Variants in CNTN3 observed in about 807,000 individuals in gnomAD.
The protein encoded by CNTN3 is contactin 3.
CNTN3 carries 60 observed loss-of-function variants against 119.1 expected under a neutral mutation model. That is an observed-to-expected ratio of 0.50 (90% CI 0.41 to 0.62). CNTN3 has a LOEUF of 0.62. CNTN3 is among the 20% of genes least tolerant of loss of function. The pLI, the probability that CNTN3 is intolerant of heterozygous loss-of-function variation, is 0.00. For synonymous variants in CNTN3, 450 were observed against 438.7 expected (o/e 1.03, Z -0.32); for missense variants, 1,101 against 1,242.4 (o/e 0.89, Z 1.71).
chr3:74,398,350 C>G (rs1705107925), intron 5 of CNTN3, among the ~76,000 whole-genome samples: 1 of 152,218 alleles, frequency 6.6e-6, no homozygotes, highest in Non-Finnish European at 1.5e-5. Flanking sequence ...TGAAGCAAGA[C>G]CCTCTACTAG....
chr3:74,369,908 C>G lies in CNTN3; in HGVS notation c.742G>C (p.Glu248Gln). The stretch of plus-strand genomic sequence containing the variant: ...ACTTACTTTCCAAGGGCAAAACATT[C>G]CAATTTCACAGTCGAACCTTTAGCT... ...PAAKGSTVKL[E>Q]CFALGNPIPQ... The change falls in exon 7 of 23, where the codon GAA (glutamate) becomes CAA (glutamine). Residue 248 changes from glutamate to glutamine, a missense_variant. Physicochemically the swap from Glu to Gln is conservative, Grantham distance 29 (BLOSUM62 2). Transcript: ENST00000263665. 1.9e-6 allele frequency: 3 copies of G among 1,603,114 alleles called. No individual in the cohort carries two copies. Among genetic ancestry groups the G allele is most frequent in the South Asian group, 1.1e-5 (1 of 90,374 alleles).
At chr3:74,484,374 A>T (rs1702814860) in intron 4 of CNTN3, among the ~76,000 whole-genome samples, 1 of 152,176 alleles carries the variant, frequency 6.6e-6, no homozygotes, top group Admixed American at 6.5e-5. Flanking sequence ...AGAATACAAA[A>T]ATATGAATCA....
chr3:74,552,372 C>A (rs935130966), intron 1 of CNTN3, among the ~76,000 whole-genome samples: 2 of 152,110 alleles, frequency 1.3e-5, no homozygotes. Context: ...TAGGAGACTG[C>A]TAAATTGTCT....
At position 74,334,749 on chromosome 3, in the gene CNTN3, C is replaced by T. The variant is rs1703346317; in HGVS notation, c.1654G>A (p.Glu552Lys). The stretch of plus-strand genomic sequence containing the variant: ...CCACAACTTACCCCACCAACTTTCT[C>T]AAAGTGAGATCCATCTTTCTTAAAA... ...ADFKKDGSHF[E>K]KVGGSSSGDL... Residue 552 changes from glutamate to lysine, a missense_variant, in exon 13 of 23, where the codon GAG becomes AAG. Physicochemically the swap from Glu to Lys is moderately conservative, Grantham distance 56. Transcript: ENST00000263665. 1 of 1,613,156 alleles carries T rather than the reference C, an allele frequency of 6.2e-7. No homozygotes were observed.
intron 13 of CNTN3, among the ~76,000 whole-genome samples, chr3:74,319,891 T>C (rs891636347): frequency 2.0e-5 from 3 of 151,724 alleles, no homozygotes; most frequent in African/African-American, 7.3e-5. Flanking sequence ...AGAAGACATT[T>C]ATGCAGCCAA....
intron 11 of CNTN3, among the ~76,000 whole-genome samples, chr3:74,340,480 T>G (rs1183731075): frequency 2.0e-5 from 3 of 152,064 alleles, no homozygotes; most frequent in Admixed American, 6.6e-5. Flanking sequence ...TTAAGAGCCA[T>G]GCTCCCAACC....
At chr3:74,484,068 T>C (rs1702808910) in intron 4 of CNTN3, among the ~76,000 whole-genome samples, 1 of 152,080 alleles carries the variant, frequency 6.6e-6, no homozygotes, top group Non-Finnish European at 1.5e-5. Flanking sequence ...TAGAAAAACA[T>C]CACTAGAGGA....
At chr3:74,287,438 C>A (rs1337797473) in intron 19 of CNTN3, among the ~76,000 whole-genome samples, 2 of 152,052 alleles carry the variant, frequency 1.3e-5, no homozygotes, top group Non-Finnish European at 2.9e-5. Context: ...TGGCATTGTT[C>A]AGCCATTAAA....
At chr3:74,271,425 C>T (rs1195954910) in intron 20 of CNTN3, among the ~76,000 whole-genome samples, 1 of 152,064 alleles carries the variant, frequency 6.6e-6, no homozygotes, top group African/African-American at 2.4e-5. Flanking sequence ...CTTTTTCCCC[C>T]AAATTTTCTA....
intron 1 of CNTN3, among the ~76,000 whole-genome samples, chr3:74,587,849 G>C (rs1314405904): frequency 6.6e-6 from 1 of 152,200 alleles, no homozygotes; most frequent in Non-Finnish European, 1.5e-5. Flanking sequence ...GGAGGCGTGA[G>C]AGAGGGCATC....
chr3:74,484,773 A>G (rs1038348006), intron 4 of CNTN3, among the ~76,000 whole-genome samples: 26 of 152,186 alleles, frequency 1.7e-4, no homozygotes, highest in Non-Finnish European at 7.4e-5. Context: ...CACTAGTTCC[A>G]GAAGACAACA....
chr3:74,539,984 A>G (rs1482147522), intron 1 of CNTN3, among the ~76,000 whole-genome samples: 1 of 152,154 alleles, frequency 6.6e-6, no homozygotes, highest in East Asian at 1.9e-4. Context: ...CCCGCCATGA[A>G]GCACATTCTA....
At chr3:74,420,541 G>A (rs532823186) in intron 5 of CNTN3, among the ~76,000 whole-genome samples, 23 of 152,300 alleles carry the variant, frequency 1.5e-4, no homozygotes, top group African/African-American at 5.5e-4. Flanking sequence ...TAACTCTGGA[G>A]ATATTTCTGC....
At chr3:74,407,309 C>A (rs2106862553) in intron 5 of CNTN3, among the ~76,000 whole-genome samples, 1 of 120,300 alleles carries the variant, frequency 8.3e-6, no homozygotes, top group South Asian at 2.6e-4. Context: ...ACTCTTGTTG[C>A]CCAGGCTGGA....
At chr3:74,489,100 T>C (rs1334714945) in intron 3 of CNTN3, among the ~76,000 whole-genome samples, 2 of 152,146 alleles carry the variant, frequency 1.3e-5, no homozygotes, top group Non-Finnish European at 2.9e-5. Flanking sequence ...AAGTATCCAT[T>C]CACACTCCTT....
chr3:74,479,690 G>C (rs184806581), intron 4 of CNTN3, among the ~76,000 whole-genome samples: 1 of 152,014 alleles, frequency 6.6e-6, no homozygotes, highest in Non-Finnish European at 1.5e-5. Context: ...GTTGGGGGGT[G>C]GACACAGCAG....
At chr3:74,529,952 AC>A (rs1182737479) in intron 1 of CNTN3, among the ~76,000 whole-genome samples, 1 of 146,250 alleles carries the variant, frequency 6.8e-6, no homozygotes, top group Admixed American at 7.0e-5. Flanking sequence ...GCTAACGAGA[AC>A]TTTTTGGCTG....
At chr3:74,362,173 T>TTG in intron 10 of CNTN3, 133 bp from the exon 11 acceptor site, 1 of 862,488 alleles carries the variant, frequency 1.2e-6, no homozygotes, top group Non-Finnish European at 1.8e-6. Context: ...ACTTGGCTTA[T>TTG]TGTGTGCCAC....
chr3:74,575,752 A>G (rs566076151), intron 1 of CNTN3, among the ~76,000 whole-genome samples: 3 of 151,902 alleles, frequency 2.0e-5, no homozygotes, highest in South Asian at 4.2e-4. Flanking sequence ...TTCATTTTTC[A>G]TAGTGGCTGT....
Sources: allele counts gnomAD v4.1 joint callset (sites outside exome capture counted in the v4.1 genomes callset), GRCh38; gene constraint gnomAD v4.1.1; transcripts MANE v1.5; gene names NCBI Gene and HGNC (gene_info 2026-07-23, HGNC 2026-07-21).